The following ZNF267 variants were observed in gnomAD, a reference collection of about 807,000 sequenced individuals.
The protein encoded by ZNF267 is zinc finger (C2H2).
ZNF267 carries 61 observed loss-of-function variants against 71.6 expected under a neutral mutation model. The ratio of observed to expected loss-of-function variants is 0.85; its 90% confidence interval spans 0.69 to 1.05. The LOEUF (loss-of-function observed/expected upper bound fraction) is 1.05, where lower values mean the gene tolerates loss of function less well. ZNF267 is among the 50% of genes least tolerant of loss of function. The pLI, the probability that ZNF267 is intolerant of heterozygous loss-of-function variation, is 0.00. For synonymous variants in ZNF267, 288 were observed against 293.2 expected, an observed-to-expected ratio of 0.98 and a Z score of 0.18; for missense variants, 852 against 870.0, an observed-to-expected ratio of 0.98 and a Z score of 0.26.
chr16:31,905,901 C>T (rs936510360), intron 3 of ZNF267, among the ~76,000 whole-genome samples: 3 of 152,116 alleles, frequency 2.0e-5, no homozygotes, highest in Non-Finnish European at 4.4e-5. Context: ...TGTTTTTTCC[C>T]CATCTTTGTG....
chr16:31,885,044 C>T (rs2083914319), intron 2 of ZNF267, 117 bp from the exon 3 acceptor site: 4 of 679,998 alleles, frequency 5.9e-6, no homozygotes, highest in Non-Finnish European at 8.9e-6. Flanking sequence ...ATTTTTTCTA[C>T]TGAGCACAGT....
intron 3 of ZNF267, among the ~76,000 whole-genome samples, chr16:31,891,392 C>T (rs1021321656): frequency 6.6e-6 from 1 of 152,080 alleles, no homozygotes; most frequent in African/African-American, 2.4e-5. Flanking sequence ...TTAGTGTATT[C>T]TGAATTTCAC....
chr16:31,914,196 G>A (rs559005238), intron 3 of ZNF267: 83 of 346,768 alleles, frequency 2.4e-4, no homozygotes, highest in African/African-American at 1.3e-3. Flanking sequence ...TGTGCTCTCC[G>A]TCTCCCAAAT....
intron 1 of ZNF267, among the ~76,000 whole-genome samples, chr16:31,877,857 G>A (rs1457955498): frequency 2.6e-5 from 4 of 151,904 alleles, no homozygotes; most frequent in Non-Finnish European, 4.4e-5. Flanking sequence ...TCATTTGGCT[G>A]TTCTGAACTA....
chr16:31,900,107 G>A (rs1259155470), intron 3 of ZNF267, among the ~76,000 whole-genome samples: 1 of 150,218 alleles, frequency 6.7e-6, no homozygotes, highest in Non-Finnish European at 1.5e-5. Context: ...TGTCATCTTT[G>A]TATCCTATAT....
intron 2 of ZNF267, 65 bp from the exon 3 acceptor site, chr16:31,885,096 A>G (rs565030638): frequency 1.5e-6 from 2 of 1,373,674 alleles, no homozygotes; most frequent in African/African-American, 3.0e-5. Flanking sequence ...GCCAAAAAAA[A>G]GTATAAAAAT....
At position 31,909,295 on chromosome 16, in the gene ZNF267, C is replaced by T. The variant is rs567056294; in HGVS notation, c.227-5181C>T. ...TCCAGGCATGCGCCACCGTGCCTGG[C>T]TAATTTTTTGTATTTTTAGTAGAGA... is the stretch of plus-strand genomic sequence containing the variant. On this transcript the variant is annotated intron_variant, in intron 3 of 3. Coordinates refer to ENST00000300870, the MANE Select transcript of ZNF267 (RefSeq NM_003414.6). Among the ~76,000 whole-genome samples, 12 of 151,794 alleles carry T rather than the reference C, an allele frequency of 7.9e-5. No individual in the cohort carries two copies. The South Asian group carries it at 2.5e-3, about 32-fold the overall frequency.
chr16:31,901,719 A>G (rs1450080224), intron 3 of ZNF267, among the ~76,000 whole-genome samples: 1 of 152,140 alleles, frequency 6.6e-6, no homozygotes, highest in African/African-American at 2.4e-5. Flanking sequence ...AGTAGGTTGC[A>G]AAAATTTTCT....
rs2084162403 is a variant in ZNF267, at chr16:31,914,967, C to T, written c.718C>T (p.Leu240=). 1 of 1,609,216 alleles carries T rather than the reference C, an allele frequency of 6.2e-7. No homozygotes were observed. The highest frequency in any genetic ancestry group is 1.1e-5 in the South Asian group (1 of 89,520). ...SPKNHQENYF[L]EKQYKCKEFE... ...TAAAAATCATCAGGAAAATTATTTT[C>T]TAGAAAAACAATACAAATGTAAAGA... The change falls in exon 4 of 4, where the codon CTA becomes TTA. Residue 240 remains leucine, a synonymous_variant. Transcript: ENST00000300870.
chr16:31,881,386 A>G (rs2142331634), intron 1 of ZNF267, among the ~76,000 whole-genome samples: 1 of 151,956 alleles, frequency 6.6e-6, no homozygotes, highest in East Asian at 1.9e-4. Flanking sequence ...CCCTCACAGA[A>G]CTGACTAGAG....
At chr16:31,876,467 C>G (rs1354948101) in intron 1 of ZNF267, among the ~76,000 whole-genome samples, 1 of 152,232 alleles carries the variant, frequency 6.6e-6, no homozygotes, top group African/African-American at 2.4e-5. Flanking sequence ...GATCCTCCCG[C>G]CTTGGCCTCC....
Position 31,916,344 on chromosome 16 carries a change from T to G in ZNF267, c.2095T>G (p.Tyr699Asp), listed in dbSNP as rs1299391113. Residue 699 changes from tyrosine to aspartate, a missense_variant, in exon 4 of 4, where the codon TAT (tyrosine) becomes GAT (aspartate). Coordinates refer to ENST00000300870, the MANE Select transcript of ZNF267 (RefSeq NM_003414.6). Reference sequence around the variant, plus strand: ...TGATGAATGTGGTAAAGCCTTCAGCTATAGGTCATACCTCACTACACATCG... The same window carrying G: ...TGATGAATGTGGTAAAGCCTTCAGCGATAGGTCATACCTCACTACACATCG... The part of the protein sequence containing the change: ...KCDECGKAFS[Y>D]RSYLTTHRRS... 1.9e-6 allele frequency: 3 copies of G among 1,613,990 alleles called. No individual in the cohort carries two copies. Among genetic ancestry groups the G allele is most frequent in the Non-Finnish European group, 2.5e-6 (3 of 1,179,932 alleles).
At chr16:31,906,922 C>T (rs1207263567) in intron 3 of ZNF267, among the ~76,000 whole-genome samples, 3 of 151,802 alleles carry the variant, frequency 2.0e-5, no homozygotes, top group Non-Finnish European at 2.9e-5. Context: ...TTGGCTCCTC[C>T]CCCCAAAGTT....
intron 3 of ZNF267, chr16:31,895,093 T>C: frequency 4.8e-6 from 1 of 207,426 alleles, no homozygotes; most frequent in Non-Finnish European, 9.7e-6. Flanking sequence ...TCACCTCTCA[T>C]ATCATCTTGC....
In ZNF267 at chr16:31,916,675, T is replaced by A; in HGVS notation, c.*194T>A. On this transcript the variant is annotated 3_prime_UTR_variant, in exon 4 of 4. Coordinates refer to ENST00000300870, the MANE Select transcript of ZNF267 (RefSeq NM_003414.6). ...ATATTAAAAATGTGGCAAATTATTT[T>A]AAACTGTGCTCAACCCTTACTCAAG... 1.6e-6 allele frequency: 1 copy of A among 622,300 alleles called. No homozygotes were observed. The highest frequency in any genetic ancestry group is 2.7e-6 in the Non-Finnish European group (1 of 366,764). 38.5% of individuals were successfully genotyped at this position (622,300 alleles called of 1,614,324 possible).
At chr16:31,875,125 T>G in intron 1 of ZNF267, 1 of 1,289,120 alleles carries the variant, frequency 7.8e-7, no homozygotes, top group Non-Finnish European at 1.0e-6. Flanking sequence ...TCTTTTGACT[T>G]GAGGTTTTGC....
intron 1 of ZNF267, chr16:31,874,189 G>A: frequency 1.9e-6 from 1 of 521,654 alleles, no homozygotes; most frequent in Non-Finnish European, 3.4e-6. Flanking sequence ...CGACCCCGCA[G>A]AGCGACCTCG....
chr16:31,893,451 T>C (rs187808022), intron 3 of ZNF267, among the ~76,000 whole-genome samples: 1 of 152,254 alleles, frequency 6.6e-6, no homozygotes, highest in South Asian at 2.1e-4. Flanking sequence ...TATGGAAATA[T>C]CTGCAGCTGG....
At chr16:31,900,657 G>GA in intron 3 of ZNF267, among the ~76,000 whole-genome samples, 1 of 151,708 alleles carries the variant, frequency 6.6e-6, no homozygotes, top group East Asian at 1.9e-4. Context: ...CATTAGCTAG[G>GA]ATGGTCTTGA....
Sources: allele counts gnomAD v4.1 joint callset (sites outside exome capture counted in the v4.1 genomes callset), GRCh38; gene constraint gnomAD v4.1.1; transcripts MANE v1.5; gene names NCBI Gene and HGNC (gene_info 2026-07-23, HGNC 2026-07-21).